Variants in SLC24A2 observed in about 807,000 individuals in gnomAD.
SLC24A2 encodes solute carrier family 24 member 2.
Under a neutral mutation model 62.0 loss-of-function variants are expected in SLC24A2, and 36 were observed. That is an observed-to-expected ratio of 0.58 (90% CI 0.44 to 0.77). SLC24A2 has a LOEUF of 0.77. Among genes scored for constraint, SLC24A2 ranks in the 30% least tolerant of loss-of-function variants. SLC24A2 has a pLI of 0.00. For missense variants in SLC24A2, 846 were observed against 817.9 expected (o/e 1.03, Z -0.42); for synonymous variants, 358 against 294.0 (o/e 1.22, Z -2.23).
chr9:19,798,331 ATTCC>A, the SLC24A2 span, among the ~76,000 whole-genome samples: 2 of 152,168 alleles, frequency 1.3e-5, no homozygotes, highest in Non-Finnish European at 2.9e-5. Flanking sequence ...CTTTCTTAAA[ATTCC>A]TTTCCCAACT....
intron 9 of SLC24A2, among the ~76,000 whole-genome samples, chr9:19,526,713 A>T (rs1246566173): frequency 6.6e-6 from 1 of 152,142 alleles, no homozygotes; most frequent in Non-Finnish European, 1.5e-5. Context: ...CCTTCCTATT[A>T]TGGAGCTTTA....
At chr9:19,692,529 G>T (rs1223466321) in intron 2 of SLC24A2, among the ~76,000 whole-genome samples, 2 of 152,112 alleles carry the variant, frequency 1.3e-5, no homozygotes. Flanking sequence ...TATGCCAGCA[G>T]TAAAACATGA....
chr9:19,707,975 G>T (rs1820585652), intron 2 of SLC24A2, among the ~76,000 whole-genome samples: 2 of 152,210 alleles, frequency 1.3e-5, no homozygotes, highest in African/African-American at 2.4e-5. Context: ...GTCCCTGTTT[G>T]CAGATGACAT....
the SLC24A2 span, among the ~76,000 whole-genome samples, chr9:19,970,193 G>T: frequency 6.6e-5 from 10 of 152,256 alleles, no homozygotes; most frequent in African/African-American, 2.4e-4. Context: ...GGTGAATGAG[G>T]AGGTTCTGAT....
the SLC24A2 span, among the ~76,000 whole-genome samples, chr9:19,881,617 T>C: frequency 6.6e-6 from 1 of 152,302 alleles, no homozygotes; most frequent in African/African-American, 2.4e-5. Context: ...TTCACAACCC[T>C]TATCTCACGT....
chr9:19,937,950 T>C, the SLC24A2 span, among the ~76,000 whole-genome samples: 2 of 152,172 alleles, frequency 1.3e-5, no homozygotes, highest in African/African-American at 4.8e-5. Flanking sequence ...AGCAATATGT[T>C]TATTAAAAAT....
intron 2 of SLC24A2, among the ~76,000 whole-genome samples, chr9:19,746,019 G>T (rs1368189921): frequency 6.6e-6 from 1 of 151,756 alleles, no homozygotes; most frequent in Non-Finnish European, 1.5e-5. Context: ...GGAAAATACA[G>T]AAAAGACTAC....
At position 19,588,800 on chromosome 9, in the gene SLC24A2, A is replaced by C. The variant is rs376146530; in HGVS notation, c.1129+8429T>G. The stretch of plus-strand genomic sequence containing the variant: ...ACACGGTGAAACCCCGTCTCTACTA[A>C]AAATACAAAAATTAGCCAAGCATGG... On this transcript the variant is annotated intron_variant, in intron 5 of 10. Coordinates refer to ENST00000341998, the MANE Select transcript of SLC24A2 (RefSeq NM_020344.4). Among the ~76,000 whole-genome samples the C allele has an allele frequency of 1.1e-3, 163 of 152,298 alleles. 2 individuals are homozygous for C. The South Asian group carries it at 0.031, about 29-fold the overall frequency.
chr9:20,007,595 A>C, the SLC24A2 span, among the ~76,000 whole-genome samples: 1 of 152,202 alleles, frequency 6.6e-6, no homozygotes, highest in African/African-American at 2.4e-5. Flanking sequence ...TAACTACTTT[A>C]TTGAAAAATC....
intron 2 of SLC24A2, among the ~76,000 whole-genome samples, chr9:19,766,853 G>A (rs149214938): frequency 0.017 from 2,598 of 152,274 alleles, 70 homozygotes; most frequent in African/African-American, 0.06. Context: ...CTTCAGAGCC[G>A]GCAGGCAGGG....
At chr9:20,174,330 A>G in the SLC24A2 span, among the ~76,000 whole-genome samples, 1 of 152,038 alleles carries the variant, frequency 6.6e-6, no homozygotes, top group African/African-American at 2.4e-5. Flanking sequence ...AAAAGCAATT[A>G]AAAGAAAAAA....
At chr9:19,804,956 A>G in the SLC24A2 span, among the ~76,000 whole-genome samples, 1 of 152,078 alleles carries the variant, frequency 6.6e-6, no homozygotes, top group Non-Finnish European at 1.5e-5. Flanking sequence ...ATGGTAGGAG[A>G]TTTGATTTTA....
At chr9:19,628,350 G>C (rs1180958453) in intron 2 of SLC24A2, among the ~76,000 whole-genome samples, 4 of 152,240 alleles carry the variant, frequency 2.6e-5, no homozygotes, top group African/African-American at 9.6e-5. Context: ...TTCTTATTAA[G>C]TATGTACATA....
the SLC24A2 span, among the ~76,000 whole-genome samples, chr9:19,877,181 G>A: frequency 6.6e-6 from 1 of 151,050 alleles, no homozygotes; most frequent in Non-Finnish European, 1.5e-5. Flanking sequence ...AGTGAGGGCT[G>A]GGTTTCTTGA....
At chr9:19,704,884 G>GGAT (rs1050704925) in intron 2 of SLC24A2, among the ~76,000 whole-genome samples, 5 of 151,784 alleles carry the variant, frequency 3.3e-5, no homozygotes, top group African/African-American at 1.2e-4. Context: ...AGTACTTTCA[G>GGAT]GATGAAACAG....
the SLC24A2 span, among the ~76,000 whole-genome samples, chr9:20,224,106 C>G: frequency 6.6e-6 from 1 of 151,966 alleles, no homozygotes; most frequent in Non-Finnish European, 1.5e-5. Flanking sequence ...CAACCAGGTC[C>G]CTCCCTTGAC....
the SLC24A2 span, among the ~76,000 whole-genome samples, chr9:19,983,358 G>T: frequency 6.6e-6 from 1 of 152,104 alleles, no homozygotes; most frequent in African/African-American, 2.4e-5. Context: ...AAAAAACTCA[G>T]CTGTGGCTGG....
the SLC24A2 span, among the ~76,000 whole-genome samples, chr9:20,219,724 G>A: frequency 9.9e-5 from 15 of 152,210 alleles, no homozygotes; most frequent in African/African-American, 3.4e-4. Context: ...AGCACATTTG[G>A]CAGGGCATAT....
At chr9:19,884,702 G>T in the SLC24A2 span, among the ~76,000 whole-genome samples, 1 of 152,042 alleles carries the variant, frequency 6.6e-6, no homozygotes, top group Non-Finnish European at 1.5e-5. Flanking sequence ...CATGTTTTGA[G>T]TATCTATACA....
Sources: gnomAD v4.1 joint callset for allele counts (sites outside exome capture counted in the v4.1 genomes callset) on GRCh38, gnomAD v4.1.1 for gene constraint, MANE v1.5 for transcripts, NCBI Gene and HGNC (gene_info 2026-07-23, HGNC 2026-07-21) for gene names.